The following FSTL5 variants were observed in gnomAD, a reference collection of about 807,000 sequenced individuals.
FSTL5 encodes follistatin like 5, also known as follistatin-related protein 5.
FSTL5 carries 62 observed loss-of-function variants against 89.1 expected under a neutral mutation model. The ratio of observed to expected loss-of-function variants is 0.70; its 90% CI spans 0.57 to 0.86. The LOEUF (loss-of-function observed/expected upper bound fraction) is 0.86. Among genes scored for constraint, FSTL5 ranks in the 40% least tolerant of loss-of-function variants. FSTL5 has a pLI of 0.00. For synonymous variants in FSTL5, 383 were observed against 346.2 expected (o/e 1.11, Z -1.18); for missense variants, 1,057 against 1,001.6 (o/e 1.06, Z -0.75).
chr4:161,545,834 G>T (rs1578914333), intron 8 of FSTL5, among the ~76,000 whole-genome samples: 1 of 151,860 alleles, frequency 6.6e-6, no homozygotes, highest in South Asian at 2.1e-4. Flanking sequence ...TTGGAAAATG[G>T]TTGATGAAAT....
chr4:162,117,069 T>C (rs538193095), intron 1 of FSTL5, among the ~76,000 whole-genome samples: 1 of 152,336 alleles, frequency 6.6e-6, no homozygotes, highest in South Asian at 2.1e-4. Flanking sequence ...GCAAGTTTCT[T>C]ACATTCCACA....
intron 6 of FSTL5, among the ~76,000 whole-genome samples, chr4:161,662,313 C>G (rs1377755519): frequency 6.6e-6 from 1 of 152,038 alleles, no homozygotes; most frequent in Non-Finnish European, 1.5e-5. Flanking sequence ...AAAGAGAAGA[C>G]AGCATGATGA....
chr4:161,609,244 A>T (rs13104746), intron 7 of FSTL5, among the ~76,000 whole-genome samples: 26,221 of 152,036 alleles, frequency 0.17, 2,358 homozygotes, highest in Middle Eastern at 0.32. Flanking sequence ...GCTCACAGGG[A>T]TTTATTTGGA....
intron 7 of FSTL5, among the ~76,000 whole-genome samples, chr4:161,646,022 T>G (rs1736142403): frequency 6.6e-6 from 1 of 151,592 alleles, no homozygotes; most frequent in South Asian, 2.1e-4. Context: ...ACACTCTATA[T>G]TAAAAAATAA....
chr4:162,076,577 TA>T (rs774753840), intron 2 of FSTL5, among the ~76,000 whole-genome samples: 3 of 151,880 alleles, frequency 2.0e-5, no homozygotes, highest in Non-Finnish European at 4.4e-5. Context: ...TTACATAGAT[TA>T]CCATCTGAGG....
intron 6 of FSTL5, among the ~76,000 whole-genome samples, chr4:161,666,250 C>T (rs921114597): frequency 6.6e-6 from 1 of 151,910 alleles, no homozygotes; most frequent in Non-Finnish European, 1.5e-5. Context: ...CAATAAAAGA[C>T]TTGAAAAAGT....
At chr4:162,121,139 CAT>C (rs959713442) in intron 1 of FSTL5, among the ~76,000 whole-genome samples, 5 of 151,434 alleles carry the variant, frequency 3.3e-5, no homozygotes, top group African/African-American at 1.2e-4. Flanking sequence ...GATATATAAA[CAT>C]ATAGATGTTT....
chr4:162,026,825 A>C (rs1737313829), intron 3 of FSTL5, among the ~76,000 whole-genome samples: 1 of 152,136 alleles, frequency 6.6e-6, no homozygotes, highest in Non-Finnish European at 1.5e-5. Context: ...ATAGAAAAAA[A>C]CCTAAATCAA....
At chr4:161,672,797 A>G (rs1737165476) in intron 6 of FSTL5, among the ~76,000 whole-genome samples, 1 of 148,572 alleles carries the variant, frequency 6.7e-6, no homozygotes, top group African/African-American at 2.5e-5. Context: ...ACATTTCTTA[A>G]GCCTACAATT....
At chr4:161,762,482 C>G (rs1422682791) in intron 5 of FSTL5, among the ~76,000 whole-genome samples, 1 of 152,096 alleles carries the variant, frequency 6.6e-6, no homozygotes, top group Non-Finnish European at 1.5e-5. Context: ...TAGTTCTTAA[C>G]TAGCAATTCA....
chr4:161,709,733 C>G (rs1033877019), intron 6 of FSTL5, among the ~76,000 whole-genome samples: 1 of 151,920 alleles, frequency 6.6e-6, no homozygotes, highest in Non-Finnish European at 1.5e-5. Context: ...GAGGTTGAGG[C>G]TTCAGTGAGC....
chr4:162,091,234 C>G (rs930517327), intron 2 of FSTL5, among the ~76,000 whole-genome samples: 1 of 152,130 alleles, frequency 6.6e-6, no homozygotes, highest in Non-Finnish European at 1.5e-5. Context: ...TCTGCAATTA[C>G]CTCAAGATTC....
At chr4:161,902,956 T>C (rs953486517) in intron 4 of FSTL5, among the ~76,000 whole-genome samples, 4 of 152,180 alleles carry the variant, frequency 2.6e-5, no homozygotes, top group Admixed American at 2.6e-4. Flanking sequence ...TACCCACCAA[T>C]ATTAAGATTT....
At chr4:161,964,285 A>G (rs993187706) in intron 3 of FSTL5, among the ~76,000 whole-genome samples, 1 of 152,060 alleles carries the variant, frequency 6.6e-6, no homozygotes, top group South Asian at 2.1e-4. Context: ...TGACATCTTC[A>G]CACTTCAGCT....
intron 15 of FSTL5, among the ~76,000 whole-genome samples, chr4:161,432,192 G>A (rs1185374805): frequency 1.3e-5 from 2 of 151,968 alleles, no homozygotes; most frequent in African/African-American, 4.8e-5. Context: ...TTCTTAAGGA[G>A]AGACTATATG....
At chr4:162,028,794 A>C (rs926423270) in intron 3 of FSTL5, among the ~76,000 whole-genome samples, 2 of 152,156 alleles carry the variant, frequency 1.3e-5, no homozygotes, top group Non-Finnish European at 2.9e-5. Context: ...CATTTTAATC[A>C]GTCAATGTAA....
At chr4:162,162,716 T>C (rs1733742793) in intron 1 of FSTL5, among the ~76,000 whole-genome samples, 1 of 152,162 alleles carries the variant, frequency 6.6e-6, no homozygotes, top group Admixed American at 6.5e-5. Flanking sequence ...GAACATAGCT[T>C]CAAAAGAAAA....
intron 6 of FSTL5, among the ~76,000 whole-genome samples, chr4:161,748,379 T>C (rs1261495292): frequency 6.6e-6 from 1 of 152,178 alleles, no homozygotes; most frequent in Non-Finnish European, 1.5e-5. Context: ...GTGATGATCC[T>C]GAAAAAGTTT....
chr4:161,478,600 AT>A (rs60233588), intron 13 of FSTL5, among the ~76,000 whole-genome samples: 9 of 151,388 alleles, frequency 5.9e-5, no homozygotes, highest in East Asian at 1.9e-4. Flanking sequence ...AAAATCACCG[AT>A]TTTTTTTTAA....
Sources: allele counts gnomAD v4.1 joint callset (sites outside exome capture counted in the v4.1 genomes callset), GRCh38; gene constraint gnomAD v4.1.1; transcripts MANE v1.5; gene names NCBI Gene and HGNC (gene_info 2026-07-23, HGNC 2026-07-21).